THSD4: variants seen among roughly 807,000 people sequenced by gnomAD.
The protein encoded by THSD4 is thrombospondin type 1 domain containing 4.
Under a neutral mutation model 119.0 loss-of-function variants are expected in THSD4, and 69 were observed. That is an observed-to-expected ratio of 0.58 (90% CI 0.48 to 0.71). The LOEUF is 0.71. Among genes scored for constraint, THSD4 ranks in the 30% least tolerant of loss-of-function variants. THSD4 has a pLI of 0.00. For synonymous variants in THSD4, 524 were observed against 540.4 expected (o/e 0.97, Z 0.42); for missense variants, 1,393 against 1,391.1 (o/e 1.00, Z -0.02).
At chr15:71,522,884 T>G (rs2048462718) in intron 7 of THSD4, among the ~76,000 whole-genome samples, 1 of 152,178 alleles carries the variant, frequency 6.6e-6, no homozygotes, top group African/African-American at 2.4e-5. Flanking sequence ...AGAGGGAGAC[T>G]TTGGAGCCAA....
At chr15:71,449,765 G>A (rs181784401) in intron 7 of THSD4, among the ~76,000 whole-genome samples, 88 of 152,304 alleles carry the variant, frequency 5.8e-4, no homozygotes, top group Non-Finnish European at 8.4e-4. Flanking sequence ...CGTTTGAGAA[G>A]TAAGTAGATT....
chr15:71,565,090 T>A (rs1174973327), intron 7 of THSD4, among the ~76,000 whole-genome samples: 1 of 152,200 alleles, frequency 6.6e-6, no homozygotes, highest in African/African-American at 2.4e-5. Flanking sequence ...AATCTTGGAA[T>A]CTTGAATACA....
chr15:71,584,130 A>C (rs1253932603), intron 7 of THSD4, among the ~76,000 whole-genome samples: 1 of 151,904 alleles, frequency 6.6e-6, no homozygotes, highest in East Asian at 1.9e-4. Flanking sequence ...TCTCTTGATG[A>C]ATTGATTCCT....
At chr15:71,679,630 C>T (rs2051732116) in intron 8 of THSD4, among the ~76,000 whole-genome samples, 1 of 152,240 alleles carries the variant, frequency 6.6e-6, no homozygotes, top group African/African-American at 2.4e-5. Context: ...TGGACTTAGT[C>T]ACTTATGAAA....
chr15:71,330,683 C>T (rs2045409383), intron 6 of THSD4, among the ~76,000 whole-genome samples: 1 of 152,216 alleles, frequency 6.6e-6, no homozygotes, highest in African/African-American at 2.4e-5. Context: ...TCCTGCCCCT[C>T]TCAATTCTTC....
chr15:71,467,165 A>G (rs1445339484), intron 7 of THSD4, among the ~76,000 whole-genome samples: 1 of 152,186 alleles, frequency 6.6e-6, no homozygotes, highest in Admixed American at 6.5e-5. Context: ...ATTTTCCACA[A>G]AAGTCCACAT....
chr15:71,491,450 C>T (rs370490023), intron 7 of THSD4, among the ~76,000 whole-genome samples: 5 of 152,176 alleles, frequency 3.3e-5, no homozygotes, highest in Admixed American at 2.0e-4. Flanking sequence ...TAAGCTAGCA[C>T]GCTCAGCCCC....
chr15:71,585,719 T>C (rs2049654189), intron 7 of THSD4, among the ~76,000 whole-genome samples: 1 of 152,218 alleles, frequency 6.6e-6, no homozygotes, highest in South Asian at 2.1e-4. Context: ...AATGCATATA[T>C]TGGTTCACTT....
rs376911873 is a variant in THSD4 at position 71,242,749 on chromosome 15, C to T, written c.565C>T (p.Leu189Phe). 7.4e-6 allele frequency: 12 copies of T among 1,614,078 alleles called. No homozygotes were observed. The African/African-American group carries it at 1.1e-4, about 14-fold the overall frequency. The change falls in exon 5 of 18, where the codon CTC (leucine) becomes TTC (phenylalanine). Residue 189 changes from leucine (L) to phenylalanine (F), a missense_variant. Coordinates refer to ENST00000261862, the MANE Select transcript of THSD4 (RefSeq NM_024817.3). ...AGACACTGCACACACGCCACAGAGG[C>T]TCCGGAGACAGAAGCTCTCATCCCG... ...QTDTAHTPQRLRRQKLSSRHS... is the reference protein window; with the variant it reads ...QTDTAHTPQRFRRQKLSSRHS...
At position 71,657,739 on chromosome 15, in the gene THSD4, G is replaced by C. The variant is rs116829561; in HGVS notation, c.1153-2791G>C. Among the ~76,000 whole-genome samples, 1,151 of 152,192 alleles carry C rather than the reference G, an allele frequency of 7.6e-3. 13 individuals are homozygous for C. The highest frequency in any genetic ancestry group is 0.026 in the African/African-American group (1,097 of 41,516). On this transcript the variant is annotated intron_variant, in intron 7 of 17. Coordinates refer to ENST00000261862, the MANE Select transcript of THSD4 (RefSeq NM_024817.3). ...CTGAAACCAACCTCCAGGCTACTTC[G>C]ACATCTACCAGGAAAAACTCTTGCA... is the stretch of plus-strand genomic sequence containing the variant.
chr15:71,285,608 C>T (rs60806704), intron 6 of THSD4, among the ~76,000 whole-genome samples: 34,769 of 152,030 alleles, frequency 0.23, 4,106 homozygotes, highest in Admixed American at 0.32. Context: ...GTAATCCCAG[C>T]ACTTTGGGAG....
chr15:71,547,044 C>T (rs2048847368), intron 7 of THSD4, among the ~76,000 whole-genome samples: 1 of 152,296 alleles, frequency 6.6e-6, no homozygotes, highest in African/African-American at 2.4e-5. Flanking sequence ...GGCTGTCCCC[C>T]TGCATGTGGC....
intron 7 of THSD4, among the ~76,000 whole-genome samples, chr15:71,647,904 C>T (rs1180697061): frequency 1.3e-5 from 2 of 152,046 alleles, no homozygotes; most frequent in East Asian, 1.9e-4. Flanking sequence ...GGGGAGGCCT[C>T]GGATTGGGAG....
At chr15:71,210,410 C>T (rs890713925) in intron 3 of THSD4, among the ~76,000 whole-genome samples, 2 of 152,084 alleles carry the variant, frequency 1.3e-5, no homozygotes, top group Non-Finnish European at 1.5e-5. Context: ...TAGGCCTTGC[C>T]AGCTGCTGCA....
At chr15:71,536,259 C>T (rs991802124) in intron 7 of THSD4, among the ~76,000 whole-genome samples, 2 of 152,204 alleles carry the variant, frequency 1.3e-5, no homozygotes, top group Admixed American at 1.3e-4. Context: ...ACTTCTGGCT[C>T]TTTCCAGCTT....
At chr15:71,390,454 AT>A (rs1205134806) in intron 6 of THSD4, among the ~76,000 whole-genome samples, 3 of 152,226 alleles carry the variant, frequency 2.0e-5, no homozygotes, top group African/African-American at 7.2e-5. Flanking sequence ...GATTGCATAG[AT>A]AAGCTGTGGC....
At chr15:71,122,349 C>G (rs957121002) in intron 1 of THSD4, among the ~76,000 whole-genome samples, 11 of 152,166 alleles carry the variant, frequency 7.2e-5, no homozygotes, top group African/African-American at 2.4e-4. Flanking sequence ...TGTTCACAGG[C>G]TCACACAGCA....
At chr15:71,603,889 C>G (rs1237443762) in intron 7 of THSD4, among the ~76,000 whole-genome samples, 1 of 152,020 alleles carries the variant, frequency 6.6e-6, no homozygotes, top group African/African-American at 2.4e-5. Context: ...GTCATCCAGG[C>G]ATGAGTTAAG....
chr15:71,499,333 C>G (rs2048075277), intron 7 of THSD4, among the ~76,000 whole-genome samples: 2 of 152,266 alleles, frequency 1.3e-5, no homozygotes, highest in African/African-American at 4.8e-5. Flanking sequence ...GAGCAGCAGT[C>G]TCTCAAACAC....
Sources: allele counts gnomAD v4.1 joint callset (sites outside exome capture counted in the v4.1 genomes callset), GRCh38; gene constraint gnomAD v4.1.1; transcripts MANE v1.5; gene names NCBI Gene and HGNC (gene_info 2026-07-23, HGNC 2026-07-21).